The following MADD variants were observed in gnomAD, a reference collection of about 807,000 sequenced individuals.
MADD encodes MAP kinase activating death domain.
MADD carries 109 observed loss-of-function variants against 176.7 expected under a neutral mutation model. The observed-to-expected ratio is 0.62, with a 90% CI of 0.53 to 0.72. The LOEUF (loss-of-function observed/expected upper bound fraction) is 0.72, where lower values mean the gene tolerates loss of function less well. Ranked by LOEUF, MADD falls within the 30% of genes least tolerant of loss-of-function variation. The probability of loss-of-function intolerance (pLI) is 0.00; values close to 1 mark genes in which losing one functional copy is unlikely to be tolerated. For missense variants in MADD, 1,914 were observed against 2,045.5 expected (o/e 0.94, Z 1.24); for synonymous variants, 771 against 771.3 (o/e 1.00, Z 0.01).
rs145034064 is a variant in MADD at position 47,284,985 on chromosome 11, C to T, written c.2202C>T (p.Gly734=). The T allele has an allele frequency of 1.9e-5, 30 of 1,613,836 alleles. No individual in the cohort carries two copies. Among genetic ancestry groups the T allele is most frequent in the African/African-American group, 4.0e-5 (3 of 74,888 alleles). ...AGATGGATGATAAGGCAGCAGTAGG[C>T]GTCTCCAAGCCCCTCCCTTCCGTGC... Residue 734 remains glycine, a synonymous_variant, in exon 13 of 33, where the codon GGC becomes GGT. Transcript: ENST00000402192.
Position 47,284,522 on chromosome 11 carries a change from C to T in MADD, c.2114C>T (p.Thr705Ile), listed in dbSNP as rs757254009. 9 of 1,614,002 alleles carry T rather than the reference C, an allele frequency of 5.6e-6. No homozygotes were observed. Among genetic ancestry groups the T allele is most frequent in the Non-Finnish European group, 5.1e-6 (6 of 1,179,994 alleles). ...CCACTGCGCTCCAGCTCTAGCACCA[C>T]AGCCAGCAGCAGCCCCAGCACTGTC... Residue 705 changes from threonine (T) to isoleucine (I), a missense_variant, in exon 12 of 33, where the codon ACA becomes ATA. Thr to Ile is a moderately conservative substitution (Grantham distance 89). Transcript: ENST00000402192.
intron 9 of MADD, 93 bp from the exon 10 acceptor site, chr11:47,282,720 C>T: frequency 6.3e-7 from 1 of 1,589,674 alleles, no homozygotes; most frequent in Non-Finnish European, 8.6e-7. Flanking sequence ...TCTATCCTGG[C>T]TCTGCTTTAG....
intron 22 of MADD, among the ~76,000 whole-genome samples, chr11:47,297,384 A>C (rs2073419238): frequency 6.6e-6 from 1 of 151,692 alleles, no homozygotes. Flanking sequence ...GAACAGACTG[A>C]TTGGCTGATT....
At chr11:47,274,156 C>T (rs1395187605) in intron 2 of MADD, among the ~76,000 whole-genome samples, 180 bp downstream of exon 2, 1 of 152,182 alleles carries the variant, frequency 6.6e-6, no homozygotes, top group Non-Finnish European at 1.5e-5. Flanking sequence ...AAAGCAAAAC[C>T]CTGCTCTTAA....
At chr11:47,276,133 C>T in exon 4 of MADD, 1 of 1,614,216 alleles carries the variant, frequency 6.2e-7, no homozygotes, top group Non-Finnish European at 8.5e-7. Context: ...TCCCACTGCA[C>T]CTTCCCTTGG....
At position 47,284,291 on chromosome 11, in the gene MADD, C is replaced by CT; in HGVS notation, c.1966+12dup. On this transcript the variant is annotated intron_variant, in intron 11 of 32. Coordinates refer to ENST00000402192, the Ensembl canonical transcript of MADD. Reference sequence around the variant, plus strand: ...AATGGTGATACTCCCAGTAAGTGTGCTTGGGGAGATTGGCCAGCCCTGGGC... The same window carrying CT: ...AATGGTGATACTCCCAGTAAGTGTGCTTTGGGGAGATTGGCCAGCCCTGGGC... 6.2e-7 allele frequency: 1 copy of CT among 1,613,014 alleles called. No homozygotes were observed. The highest frequency in any genetic ancestry group is 8.5e-7 in the Non-Finnish European group (1 of 1,178,988).
Position 47,290,064 on chromosome 11 carries a change from G to C in MADD, c.2943+11G>C, listed in dbSNP as rs773424790. ...ATCATCCCGGATGTGGTCAGTGTTG[G>C]GGGTAGGGAATCGGAGTAACTGGAG... is the stretch of plus-strand genomic sequence containing the variant. On this transcript the variant is annotated intron_variant, in intron 17 of 32. Transcript: ENST00000402192. The C allele has an allele frequency of 3.1e-6, 5 of 1,613,298 alleles. No homozygotes were observed. Among genetic ancestry groups the C allele is most frequent in the Non-Finnish European group, 1.7e-6 (2 of 1,179,224 alleles).
At chr11:47,318,549 C>G (rs2093684221) in intron 27 of MADD, among the ~76,000 whole-genome samples, 1 of 152,148 alleles carries the variant, frequency 6.6e-6, no homozygotes, top group East Asian at 1.9e-4. Flanking sequence ...ATATCTCCAG[C>G]AGATTCCTTG....
exon 18 of MADD, chr11:47,290,209 T>A: frequency 1.2e-6 from 2 of 1,614,172 alleles, no homozygotes; most frequent in African/African-American, 2.7e-5. Context: ...AGTCCTCAGC[T>A]TGGAGCAGTC....
At chr11:47,284,603 T>C in intron 12 of MADD, 38 bp downstream of exon 12, 1 of 1,599,466 alleles carries the variant, frequency 6.3e-7, no homozygotes, top group Non-Finnish European at 8.5e-7. Context: ...AACCATGGCC[T>C]GGGATGTGGG....
intron 22 of MADD, among the ~76,000 whole-genome samples, chr11:47,296,935 T>G (rs781341922): frequency 1.6e-4 from 24 of 151,916 alleles, no homozygotes; most frequent in Non-Finnish European, 2.8e-4. Flanking sequence ...CCACCATGCC[T>G]GGCTAATTTT....
intron 25 of MADD, among the ~76,000 whole-genome samples, chr11:47,310,750 T>TA (rs1270897000): frequency 2.0e-5 from 3 of 151,510 alleles, no homozygotes; most frequent in Admixed American, 2.0e-4. Context: ...CTACTAAAAA[T>TA]ACAAAAGTTA....
intron 13 of MADD, 62 bp from the exon 14 acceptor site, chr11:47,285,389 G>T (rs2059919499): frequency 6.2e-7 from 1 of 1,605,400 alleles, no homozygotes. Context: ...CATAATTATG[G>T]CCCATACTCC....
intron 26 of MADD, among the ~76,000 whole-genome samples, chr11:47,314,712 C>T (rs1480101582): frequency 2.0e-5 from 3 of 152,150 alleles, no homozygotes; most frequent in African/African-American, 7.2e-5. Context: ...TTTCCAAATA[C>T]GTATCTCTGA....
At chr11:47,309,384 C>A in exon 24 of MADD, 1 of 1,614,122 alleles carries the variant, frequency 6.2e-7, no homozygotes, top group Non-Finnish European at 8.5e-7. Flanking sequence ...ACCAGGGTCC[C>A]CAGGAAATGA....
At chr11:47,328,427 G>A (rs1181750638) in intron 31 of MADD, 5 of 1,428,524 alleles carry the variant, frequency 3.5e-6, no homozygotes, top group South Asian at 3.0e-5. Context: ...ACGCCACTGC[G>A]GATGACAGAG....
At chr11:47,315,421 A>T (rs2092463802) in intron 27 of MADD, 94 bp downstream of exon 30, 2 of 673,480 alleles carry the variant, frequency 3.0e-6, no homozygotes, top group East Asian at 5.3e-5. Flanking sequence ...CATTTATCTC[A>T]TTCATCTTCA....
At chr11:47,282,713 A>T (rs1742044075) in intron 9 of MADD, 97 bp downstream of exon 9, 3 of 1,589,002 alleles carry the variant, frequency 1.9e-6, no homozygotes, top group East Asian at 4.5e-5. Context: ...TGTGCCTTCT[A>T]TCCTGGCTCT....
rs961341992 is a variant in MADD at position 47,310,574 on chromosome 11, AT to A, written c.3978+973del. ...GCTTCCCACAAAATACAATGAATTA[AT>A]TTTTTTTTTTACAATAGTAGATTTT... is the stretch of plus-strand genomic sequence containing the variant. On this transcript the variant is annotated intron_variant, in intron 25 of 32. Transcript: ENST00000402192. Among the ~76,000 whole-genome samples, 281 of 148,704 alleles carry A rather than the reference AT, an allele frequency of 1.9e-3. 1 individual carries two copies. Among genetic ancestry groups the A allele is most frequent in the African/African-American group, 5.6e-3 (230 of 40,730 alleles).
Sources: allele counts gnomAD v4.1 joint callset (sites outside exome capture counted in the v4.1 genomes callset), GRCh38; gene constraint gnomAD v4.1.1; transcripts MANE v1.5; gene names NCBI Gene and HGNC (gene_info 2026-07-23, HGNC 2026-07-21).